Variants in HIPK2 observed in about 807,000 individuals in gnomAD.
The protein encoded by HIPK2 is homeodomain interacting protein kinase 2.
HIPK2 carries 27 observed loss-of-function variants against 113.7 expected under a neutral mutation model. That is an observed-to-expected ratio of 0.24 (90% CI 0.17 to 0.33). The LOEUF (loss-of-function observed/expected upper bound fraction) is 0.33, where lower values mean the gene tolerates loss of function less well. Among genes scored for constraint, HIPK2 ranks in the 10% least tolerant of loss-of-function variants. HIPK2 has a pLI of 1.00. For missense variants in HIPK2, 1,257 were observed against 1,588.0 expected (o/e 0.79, Z 3.54); for synonymous variants, 631 against 642.2 (o/e 0.98, Z 0.26).
At chr7:139,681,897 T>A (rs1166037397) in intron 2 of HIPK2, among the ~76,000 whole-genome samples, 1 of 152,150 alleles carries the variant, frequency 6.6e-6, no homozygotes, top group Non-Finnish European at 1.5e-5. Context: ...TAGGACAGCA[T>A]CTCCCCTGGT....
chr7:139,582,380 G>A (rs1019068701), intron 13 of HIPK2, among the ~76,000 whole-genome samples: 10 of 152,194 alleles, frequency 6.6e-5, no homozygotes, highest in African/African-American at 9.7e-5. Context: ...AGAGCACAGC[G>A]CGAGCTGCGT....
chr7:139,688,552 G>A (rs1490899658), intron 2 of HIPK2, among the ~76,000 whole-genome samples: 1 of 152,170 alleles, frequency 6.6e-6, no homozygotes, highest in East Asian at 1.9e-4. Context: ...CAAGGGCTAT[G>A]GTTGGGGGTA....
chr7:139,704,075 AC>A (rs1351414158), intron 2 of HIPK2, among the ~76,000 whole-genome samples: 1 of 75,646 alleles, frequency 1.3e-5, no homozygotes, highest in African/African-American at 5.2e-5. Flanking sequence ...CAACACATGC[AC>A]CCCCTCCACA....
chr7:139,613,191 G>C lies in HIPK2; in HGVS notation c.2112+11C>G. On this transcript the variant is annotated intron_variant, in intron 9 of 14. Transcript: ENST00000406875. This position sits in a 1 kb window ranked among gnomAD's most constrained non-coding sequence, Gnocchi z 4.2. The stretch of plus-strand genomic sequence containing the variant: ...TGGTAATACCAGTAATAATAAAGGA[G>C]AAAGAATTACCTGGGCAAGCAGACC... 3 of 1,613,482 alleles carry C rather than the reference G, an allele frequency of 1.9e-6. No homozygotes were observed. The highest frequency in any genetic ancestry group is 2.2e-5 in the East Asian group (1 of 44,872).
chr7:139,762,752 A>G (rs377176474), intron 1 of HIPK2, among the ~76,000 whole-genome samples: 1 of 152,234 alleles, frequency 6.6e-6, no homozygotes, highest in East Asian at 1.9e-4. Context: ...AGAAGTGTCT[A>G]TAATGTGCGT....
At chr7:139,777,254 G>T (rs1477743681) in intron 1 of HIPK2, 2 of 152,900 alleles carry the variant, frequency 1.3e-5, no homozygotes, top group East Asian at 1.9e-4. Flanking sequence ...AATGTGGGGG[G>T]GCGGTGGAAG....
intron 2 of HIPK2, among the ~76,000 whole-genome samples, chr7:139,701,274 CACAA>C (rs1406105836): frequency 2.6e-5 from 4 of 152,174 alleles, no homozygotes; most frequent in African/African-American, 9.7e-5. Context: ...ACCTTAGAAA[CACAA>C]ACAGATAGCG....
Position 139,583,956 on chromosome 7 carries a change from A to G in HIPK2, c.2826T>C (p.Ala942=), listed in dbSNP as rs1366484511. The G allele has an allele frequency of 1.2e-6, 2 of 1,614,086 alleles. No individual in the cohort carries two copies. Among genetic ancestry groups the G allele is most frequent in the Non-Finnish European group, 1.7e-6 (2 of 1,179,900 alleles). ...NTSPYSVQQR[A]GHNNANAFDT... ...CAAAGGCATTGGCATTGTTGTGCCC[A>G]GCACGCTGCTGCACGGAGTAGGGGC... is the stretch of plus-strand genomic sequence containing the variant. Residue 942 remains alanine (A), a synonymous_variant, in exon 13 of 15, where the codon GCT becomes GCC. Transcript: ENST00000406875.
intron 12 of HIPK2, among the ~76,000 whole-genome samples, chr7:139,586,933 G>A (rs1345089419): frequency 2.6e-5 from 4 of 152,164 alleles, no homozygotes; most frequent in Admixed American, 2.6e-4. Context: ...GAGGTTGGGG[G>A]CTAGGGGAGA....
At chr7:139,604,276 T>G in intron 9 of HIPK2, 53 bp from the exon 10 acceptor site, 1 of 1,560,378 alleles carries the variant, frequency 6.4e-7, no homozygotes. Context: ...ACATAATTGA[T>G]TTGCATGAAC....
intron 2 of HIPK2, among the ~76,000 whole-genome samples, chr7:139,710,345 A>C (rs779580428): frequency 6.6e-6 from 1 of 151,954 alleles, no homozygotes; most frequent in Non-Finnish European, 1.5e-5. Flanking sequence ...TGACCCCTAG[A>C]CTTCCCCATC....
intron 2 of HIPK2, among the ~76,000 whole-genome samples, chr7:139,687,612 T>C (rs1794265100): frequency 6.6e-6 from 1 of 152,200 alleles, no homozygotes; most frequent in Non-Finnish European, 1.5e-5. Flanking sequence ...CCAATTCTTG[T>C]CTCAGTCTAT....
chr7:139,754,140 G>A lies in HIPK2; in HGVS notation c.19+23465C>T, dbSNP rs529176189. 7.9e-5 allele frequency among the ~76,000 whole-genome samples: 12 copies of A among 152,352 alleles called. 1 individual carries two copies. The South Asian group carries it at 2.5e-3, about 32-fold the overall frequency. On this transcript the variant is annotated intron_variant, in intron 1 of 14. Transcript: ENST00000406875. ...TCTTTCCAAGAGACACCCTTTGGAA[G>A]TGGGGAGAAAGTAGCTAAACAGGCC...
At chr7:139,766,740 T>G (rs1285088150) in intron 1 of HIPK2, among the ~76,000 whole-genome samples, 1 of 152,244 alleles carries the variant, frequency 6.6e-6, no homozygotes, top group African/African-American at 2.4e-5. Flanking sequence ...CATTATTTCA[T>G]ATCTCTAAGC....
At chr7:139,684,287 T>C (rs12707451) in intron 2 of HIPK2, among the ~76,000 whole-genome samples, 56,532 of 152,048 alleles carry the variant, frequency 0.37, 11,966 homozygotes, top group Non-Finnish European at 0.47. Flanking sequence ...TTCTCTGAGA[T>C]ACAATAATAT....
chr7:139,633,020 C>T (rs867842958), intron 2 of HIPK2, among the ~76,000 whole-genome samples: 8 of 140,672 alleles, frequency 5.7e-5, no homozygotes, highest in Admixed American at 1.5e-4. Flanking sequence ...TGCTTGGACC[C>T]GGGAGGTGGA....
At chr7:139,736,884 A>G (rs1395842747) in intron 1 of HIPK2, among the ~76,000 whole-genome samples, 1 of 152,190 alleles carries the variant, frequency 6.6e-6, no homozygotes, top group African/African-American at 2.4e-5. Flanking sequence ...ACTAGCATCA[A>G]GTATACTCAA....
At chr7:139,717,209 G>A in intron 1 of HIPK2, 194 bp from the exon 2 acceptor site, 2 of 293,124 alleles carry the variant, frequency 6.8e-6, no homozygotes, top group Non-Finnish European at 1.0e-5. Context: ...GAACCAAGTG[G>A]TTCCAGGGTG....
At chr7:139,574,834 T>C (rs1466064854) in intron 14 of HIPK2, among the ~76,000 whole-genome samples, 3 of 152,240 alleles carry the variant, frequency 2.0e-5, no homozygotes, top group African/African-American at 7.2e-5. Flanking sequence ...GAAACAGCAG[T>C]ATGTGGGCCA....
Sources: allele counts gnomAD v4.1 joint callset (sites outside exome capture counted in the v4.1 genomes callset), GRCh38; gene constraint gnomAD v4.1.1; non-coding constraint Gnocchi (gnomAD v3.1); transcripts MANE v1.5; gene names NCBI Gene and HGNC (gene_info 2026-07-23, HGNC 2026-07-21).